CLCNKA: variants seen among roughly 807,000 people sequenced by gnomAD.
CLCNKA encodes chloride channel protein ClC-Ka.
CLCNKA carries 66 observed loss-of-function variants against 83.3 expected under a neutral mutation model. The observed-to-expected ratio is 0.79, with a 90% CI of 0.65 to 0.97. The LOEUF is 0.97. Ranked by LOEUF, CLCNKA falls within the 50% of genes least tolerant of loss-of-function variation. CLCNKA has a pLI of 0.00. For synonymous variants in CLCNKA, 357 were observed against 370.4 expected (o/e 0.96, Z 0.42); for missense variants, 806 against 888.7 (o/e 0.91, Z 1.18).
chr1:16,031,752 C>T lies in CLCNKA; in HGVS notation c.1665C>T (p.Ile555=), dbSNP rs1306213878. 1.2e-6 allele frequency: 2 copies of T among 1,613,966 alleles called. No individual in the cohort carries two copies. The highest frequency in any genetic ancestry group is 4.5e-5 in the East Asian group (2 of 44,890). The change falls in exon 16 of 20, where the codon ATC becomes ATT. Residue 555 remains isoleucine (I), a synonymous_variant. Transcript: ENST00000331433. ...VRVEHFMNHS[I]TTLAKDTPLE... is the part of the protein sequence containing the mutation. ...TGGAGCACTTCATGAACCACAGCAT[C>T]ACCACACTGGCCAAGGACACGCCGC...
intron 15 of CLCNKA, among the ~76,000 whole-genome samples, chr1:16,031,290 T>C (rs1042140278): frequency 6.6e-6 from 1 of 152,212 alleles, no homozygotes; most frequent in Admixed American, 6.5e-5. Context: ...AAGTTTTTCC[T>C]TGGGGGTGAC....
chr1:16,028,689 C>T, intron 10 of CLCNKA, 72 bp from the exon 11 acceptor site: 1 of 1,572,962 alleles, frequency 6.4e-7, no homozygotes, highest in Non-Finnish European at 8.7e-7. Flanking sequence ...CTGCCTGGAC[C>T]AGGTCCTACT....
intron 10 of CLCNKA, 169 bp from the exon 11 acceptor site, chr1:16,028,592 G>C (rs573610954): frequency 6.1e-6 from 5 of 818,474 alleles, no homozygotes; most frequent in Non-Finnish European, 1.0e-5. Flanking sequence ...GGTTCTACCC[G>C]CTGGAGGGGG....
chr1:16,031,995 T>C (rs1323575174), intron 16 of CLCNKA, 152 bp downstream of exon 16: 1 of 1,411,298 alleles, frequency 7.1e-7, no homozygotes, highest in Non-Finnish European at 9.8e-7. Flanking sequence ...TGAGCCTCAG[T>C]TTCCTCATCA....
intron 11 of CLCNKA, 52 bp from the exon 12 acceptor site, chr1:16,029,074 T>A: frequency 6.3e-7 from 1 of 1,584,772 alleles, no homozygotes; most frequent in Non-Finnish European, 8.6e-7. Context: ...GAGGCTGGGG[T>A]CTGCCGCTGG....
At chr1:16,027,079 C>A (rs990551621) in intron 7 of CLCNKA, among the ~76,000 whole-genome samples, 1 of 152,204 alleles carries the variant, frequency 6.6e-6, no homozygotes, top group Admixed American at 6.5e-5. Flanking sequence ...TCAAACCGTT[C>A]CCACCCGATA....
intron 11 of CLCNKA, 118 bp from the exon 12 acceptor site, chr1:16,029,008 G>GC: frequency 1.3e-6 from 2 of 1,526,412 alleles, no homozygotes; most frequent in Non-Finnish European, 1.8e-6. Context: ...CCTGCCCAAG[G>GC]CCCCCCGCTG....
In CLCNKA at chr1:16,033,220, G is replaced by C. The variant is rs6695110; in HGVS notation, c.1980G>C (p.Ser660=). 1.9e-6 allele frequency: 3 copies of C among 1,613,990 alleles called. No homozygotes were observed. Among genetic ancestry groups the C allele is most frequent in the African/African-American group, 1.3e-5 (1 of 74,904 alleles). The change falls in exon 19 of 20, where the codon TCG becomes TCC. Residue 660 remains serine, a synonymous_variant. Coordinates refer to ENST00000331433, the MANE Select transcript of CLCNKA (RefSeq NM_004070.4). ...LLNLQSLFVT[S]RGRAVGCVSW... is the part of the protein sequence containing the mutation. ...ACCTTCAGTCCCTCTTCGTGACATCGCGGGGCAGAGCTGTGGGCTGCGTGT... is the reference window on the plus strand; with the variant it reads ...ACCTTCAGTCCCTCTTCGTGACATCCCGGGGCAGAGCTGTGGGCTGCGTGT...
rs1200487252 is a variant in CLCNKA, at chr1:16,022,827, C to T, written c.100+108C>T. The T allele has an allele frequency of 2.7e-5, 22 of 806,606 alleles. No individual in the cohort carries two copies. In the South Asian group the frequency reaches 4.4e-4, roughly 16 times the overall value. The allele number at this position is 806,606 out of a possible 1,614,324, so 50.0% of individuals were successfully genotyped here. A position where few individuals can be genotyped will look rare whatever the true frequency, so the allele number is the denominator to read the frequency against. On this transcript the variant is annotated intron_variant, in intron 2 of 19. Coordinates refer to ENST00000331433, the MANE Select transcript of CLCNKA (RefSeq NM_004070.4). ...CAGGAACCACCCTCCTGTCATTTGT[C>T]CAGGACATGACTGCCCAAAGTCTCC...
In CLCNKA at chr1:16,029,973, A is replaced by T; in HGVS notation, c.1306A>T (p.Ile436Phe). ...CCTAAGTCTGTGGCCAGGAGCTGCC[A>T]TCGGGCGCCTCTTGGGAGAGGCTCT... ...FMPIFILGAA[I>F]GRLLGEALAV... Residue 436 changes from isoleucine (I) to phenylalanine (F), a missense_variant, in exon 14 of 20, where the codon ATC becomes TTC. Transcript: ENST00000331433. 5.0e-6 allele frequency: 8 copies of T among 1,611,412 alleles called. No individual in the cohort carries two copies. Among genetic ancestry groups the T allele is most frequent in the Non-Finnish European group, 6.8e-6 (8 of 1,177,870 alleles).
chr1:16,031,991 T>G, intron 16 of CLCNKA, 148 bp downstream of exon 16: 2 of 1,410,206 alleles, frequency 1.4e-6, no homozygotes, highest in South Asian at 2.5e-5. Flanking sequence ...CACCTGAGCC[T>G]CAGTTTCCTC....
intron 5 of CLCNKA, 38 bp downstream of exon 5, chr1:16,026,285 C>CCCCCCAA: frequency 6.2e-7 from 1 of 1,608,678 alleles, no homozygotes. Context: ...CCACCCCGCC[C>CCCCCCAA]ACCCTACCCT....
chr1:16,031,557 C>A (rs997517428), intron 15 of CLCNKA, among the ~76,000 whole-genome samples, 153 bp from the exon 16 acceptor site: 3 of 152,128 alleles, frequency 2.0e-5, no homozygotes. Context: ...ACTGTGGGTT[C>A]TAGGAGTCCC....
Position 16,034,013 on chromosome 1 carries a change from G to A in CLCNKA, c.*355G>A. The A allele has an allele frequency of 2.7e-6, 1 of 364,364 alleles. No homozygotes were observed. Among genetic ancestry groups the A allele is most frequent in the South Asian group, 2.3e-5 (1 of 43,856 alleles). The allele number at this position is 364,364 out of a possible 1,614,324, so 22.6% of individuals were successfully genotyped here. ...GCCCTCTGGGGTTGTCTGGTTCCCAGTGAGAGGCTCCTGAGAAAAATAAAG... is the reference window on the plus strand; with the variant it reads ...GCCCTCTGGGGTTGTCTGGTTCCCAATGAGAGGCTCCTGAGAAAAATAAAG... On this transcript the variant is annotated 3_prime_UTR_variant, in exon 20 of 20. Coordinates refer to ENST00000331433, the MANE Select transcript of CLCNKA (RefSeq NM_004070.4).
intron 8 of CLCNKA, 131 bp from the exon 9 acceptor site, chr1:16,027,690 G>A (rs1363629279): frequency 1.8e-5 from 27 of 1,536,164 alleles, no homozygotes; most frequent in Non-Finnish European, 2.4e-5. Flanking sequence ...TGGTTGTGGG[G>A]GCCTGGAATG....
At chr1:16,033,042 T>G in intron 18 of CLCNKA, 128 bp from the exon 19 acceptor site, 1 of 987,922 alleles carries the variant, frequency 1.0e-6, no homozygotes, top group Admixed American at 1.7e-5. Flanking sequence ...ATTGCAGGCC[T>G]GGGTCTGTTG....
intron 18 of CLCNKA, 43 bp downstream of exon 18, chr1:16,032,569 A>G: frequency 1.4e-6 from 2 of 1,466,174 alleles, no homozygotes; most frequent in South Asian, 1.1e-5. Flanking sequence ...CCCCCGGGGC[A>G]GGGCAAGAGC....
At chr1:16,023,155 GA>G (rs1224242686) in intron 2 of CLCNKA, among the ~76,000 whole-genome samples, 1 of 152,210 alleles carries the variant, frequency 6.6e-6, no homozygotes, top group Non-Finnish European at 1.5e-5. Context: ...AGCAAGTAGG[GA>G]CCACAGAAGG....
intron 7 of CLCNKA, 86 bp from the exon 8 acceptor site, chr1:16,027,224 C>A: frequency 6.3e-7 from 1 of 1,579,196 alleles, no homozygotes; most frequent in Non-Finnish European, 8.7e-7. Context: ...ACAGATGGCT[C>A]AGGGAGGAGG....
Sources: allele counts gnomAD v4.1 joint callset (sites outside exome capture counted in the v4.1 genomes callset), GRCh38; gene constraint gnomAD v4.1.1; transcripts MANE v1.5; gene names NCBI Gene and HGNC (gene_info 2026-07-23, HGNC 2026-07-21).